Variants in MAGOH observed in about 807,000 individuals in gnomAD.
MAGOH encodes mago homolog, exon junction complex subunit, also known as protein mago nashi homolog.
Under a neutral mutation model 20.9 loss-of-function variants are expected in MAGOH, and 3 were observed. The observed-to-expected ratio is 0.14, with a 90% CI of 0.07 to 0.37. MAGOH has a LOEUF of 0.37. MAGOH is among the 10% of genes least tolerant of loss of function. The pLI is 1.00. For synonymous variants in MAGOH, 51 were observed against 61.0 expected (o/e 0.84, Z 0.76); for missense variants, 66 against 178.1 (o/e 0.37, Z 3.58).
Position 53,238,484 on chromosome 1 carries a change from A to G in MAGOH, c.-36T>C, listed in dbSNP as rs373348889. On this transcript the variant is annotated 5_prime_UTR_variant, in exon 1 of 5. Transcript: ENST00000371470. ...AGACAACCGAGCCTGAACTTCCAAG[A>G]GCAAGCCGCACTGCCGCCGTCTGCG... is the stretch of plus-strand genomic sequence containing the variant. 3.3e-5 allele frequency: 53 copies of G among 1,590,388 alleles called. No homozygotes were observed. The highest frequency in any genetic ancestry group is 1.7e-4 in the Middle Eastern group (1 of 6,046).
At chr1:53,231,208 G>T (rs560836405) in intron 3 of MAGOH, among the ~76,000 whole-genome samples, 1 of 152,012 alleles carries the variant, frequency 6.6e-6, no homozygotes, top group Non-Finnish European at 1.5e-5. Context: ...GTTTGATCTT[G>T]TAAGTTATCT....
At chr1:53,237,751 C>T (rs1483900135) in intron 1 of MAGOH, among the ~76,000 whole-genome samples, 2 of 149,868 alleles carry the variant, frequency 1.3e-5, no homozygotes, top group Non-Finnish European at 3.0e-5. Flanking sequence ...GGTGCCGCTC[C>T]TACCTACCTA....
chr1:53,232,379 AAGACAATTTT>A (rs1168783503), intron 3 of MAGOH, among the ~76,000 whole-genome samples: 13 of 152,344 alleles, frequency 8.5e-5, no homozygotes, highest in African/African-American at 3.1e-4. Flanking sequence ...AAAAGCAAGT[AAGACAATTTT>A]AGACAATAGC....
At position 53,235,739 on chromosome 1, in the gene MAGOH, T is replaced by G. The variant is rs41305856; in HGVS notation, c.89-104A>C. On this transcript the variant is annotated intron_variant, in intron 1 of 4. Transcript: ENST00000371470. ...GTTGCCCAAAATGTATCTAACTTGC[T>G]AAAAGTGTCTAACAGATTTATTATT... 1.6e-3 allele frequency: 1,287 copies of G among 802,252 alleles called. 4 individuals carry two copies. Among genetic ancestry groups the G allele is most frequent in the Non-Finnish European group, 2.1e-3 (992 of 466,888 alleles). 49.7% of individuals were successfully genotyped at this position (802,252 alleles called of 1,614,324 possible). A position where few individuals can be genotyped will look rare whatever the true frequency, so the allele number is the denominator to read the frequency against.
intron 3 of MAGOH, among the ~76,000 whole-genome samples, chr1:53,231,332 C>T (rs1285320930): frequency 6.6e-6 from 1 of 152,166 alleles, no homozygotes; most frequent in Admixed American, 6.5e-5. Context: ...ATAACTTCTT[C>T]CAGTCTATGG....
chr1:53,234,523 G>A (rs894368165), intron 2 of MAGOH, among the ~76,000 whole-genome samples: 4 of 151,592 alleles, frequency 2.6e-5, no homozygotes, highest in African/African-American at 4.9e-5. Flanking sequence ...ACAGGCACCC[G>A]CCACCATGCC....
intron 3 of MAGOH, among the ~76,000 whole-genome samples, chr1:53,231,633 T>G (rs538450533): frequency 2.6e-5 from 4 of 152,356 alleles, no homozygotes; most frequent in Admixed American, 2.0e-4. Context: ...ATTCATAGGT[T>G]GGTTTCTGGG....
At chr1:53,236,333 A>T (rs528510048) in intron 1 of MAGOH, among the ~76,000 whole-genome samples, 85 of 152,354 alleles carry the variant, frequency 5.6e-4, no homozygotes, top group African/African-American at 1.9e-3. Flanking sequence ...CAGATCTATC[A>T]GATTAGGTTA....
chr1:53,234,451 G>C (rs1392584885), intron 2 of MAGOH, among the ~76,000 whole-genome samples: 1 of 144,382 alleles, frequency 6.9e-6, no homozygotes, highest in Non-Finnish European at 1.5e-5. Flanking sequence ...TCGGCTCATT[G>C]CGAACTCTGC....
intron 2 of MAGOH, among the ~76,000 whole-genome samples, chr1:53,234,280 G>A (rs1258780769): frequency 3.3e-5 from 5 of 151,900 alleles, no homozygotes; most frequent in Admixed American, 2.6e-4. Flanking sequence ...CCAAAATTGT[G>A]AGAAATATAT....
At chr1:53,236,210 A>C (rs574024826) in intron 1 of MAGOH, among the ~76,000 whole-genome samples, 1 of 152,368 alleles carries the variant, frequency 6.6e-6, no homozygotes, top group South Asian at 2.1e-4. Flanking sequence ...TAGAAGACAT[A>C]CATGTGAGAT....
intron 2 of MAGOH, 192 bp from the exon 3 acceptor site, chr1:53,233,844 C>T (rs2100306760): frequency 1.9e-6 from 1 of 518,954 alleles, no homozygotes; most frequent in East Asian, 3.4e-5. Context: ...GTAACTGCAC[C>T]TCAGTCCCCT....
chr1:53,227,574 CTT>C (rs1645566629), intron 4 of MAGOH, among the ~76,000 whole-genome samples: 1 of 152,008 alleles, frequency 6.6e-6, no homozygotes, highest in Non-Finnish European at 1.5e-5. Flanking sequence ...GAGTTTTGCT[CTT>C]GTTGCCCAGG....
At chr1:53,230,115 C>A (rs74086818) in intron 3 of MAGOH, among the ~76,000 whole-genome samples, 278 of 152,308 alleles carry the variant, frequency 1.8e-3, no homozygotes, top group African/African-American at 6.4e-3. Context: ...GTTCTCAGTG[C>A]TTTGGACAGA....
At chr1:53,235,488 T>C in intron 2 of MAGOH, 89 bp downstream of exon 2, 1 of 1,111,312 alleles carries the variant, frequency 9.0e-7, no homozygotes, top group South Asian at 1.3e-5. Flanking sequence ...TCTTTATCTT[T>C]CAATACTACT....
chr1:53,234,859 AG>A (rs1388012937), intron 2 of MAGOH, among the ~76,000 whole-genome samples: 1 of 152,196 alleles, frequency 6.6e-6, no homozygotes, highest in Non-Finnish European at 1.5e-5. Flanking sequence ...AGGAAAGAGT[AG>A]CTTTGATGAA....
chr1:53,236,503 T>G (rs1645611147), intron 1 of MAGOH, among the ~76,000 whole-genome samples: 1 of 152,220 alleles, frequency 6.6e-6, no homozygotes, highest in African/African-American at 2.4e-5. Flanking sequence ...CTACTTGGTT[T>G]CTGCCTGAAA....
At chr1:53,233,477 A>G (rs999726938) in intron 3 of MAGOH, 65 bp downstream of exon 3, 13 of 1,075,670 alleles carry the variant, frequency 1.2e-5, no homozygotes, top group Non-Finnish European at 1.8e-5. Context: ...CTTTAAGTGG[A>G]GGAGGGAGTG....
intron 3 of MAGOH, among the ~76,000 whole-genome samples, chr1:53,229,847 A>T (rs1300430157): frequency 6.6e-6 from 1 of 152,184 alleles, no homozygotes; most frequent in East Asian, 1.9e-4. Flanking sequence ...TCACCCCAGG[A>T]GGTCAAGGCT....
Sources: allele counts gnomAD v4.1 joint callset (sites outside exome capture counted in the v4.1 genomes callset), GRCh38; gene constraint gnomAD v4.1.1; transcripts MANE v1.5; gene names NCBI Gene and HGNC (gene_info 2026-07-23, HGNC 2026-07-21).